Variants in KCNAB2 observed in about 807,000 individuals in gnomAD.
The protein encoded by KCNAB2 is potassium voltage-gated channel subfamily A regulatory beta subunit 2, also known as voltage-gated potassium channel subunit beta-2.
KCNAB2 carries 29 observed loss-of-function variants against 63.6 expected under a neutral mutation model. The ratio of observed to expected loss-of-function variants is 0.46; its 90% confidence interval spans 0.34 to 0.62. The LOEUF (loss-of-function observed/expected upper bound fraction) is 0.62, where lower values mean the gene tolerates loss of function less well. Among genes scored for constraint, KCNAB2 ranks in the 20% least tolerant of loss-of-function variants. The pLI, the probability that KCNAB2 is intolerant of heterozygous loss-of-function variation, is 0.01. For missense variants in KCNAB2, 359 were observed against 563.9 expected (o/e 0.64, Z 3.68); for synonymous variants, 222 against 224.2 (o/e 0.99, Z 0.09).
intron 2 of KCNAB2, among the ~76,000 whole-genome samples, chr1:6,062,268 T>G (rs1282938423): frequency 6.6e-6 from 1 of 150,800 alleles, no homozygotes; most frequent in African/African-American, 2.4e-5. Flanking sequence ...GAGCCAAGAT[T>G]GCACCATTGC....
chr1:6,041,623 C>T (rs968839209), upstream of KCNAB2: 10 of 576,644 alleles, frequency 1.7e-5, no homozygotes, highest in South Asian at 1.0e-4. Context: ...GTCTCTGCCC[C>T]GTGGCCACCG....
At chr1:6,084,050 A>G (rs1664441225) in intron 5 of KCNAB2, among the ~76,000 whole-genome samples, 2 of 152,256 alleles carry the variant, frequency 1.3e-5, no homozygotes, top group Admixed American at 6.5e-5. Context: ...TGTCTTGACC[A>G]TAAATGAGGA....
Position 6,100,124 on chromosome 1 carries a change from C to T in KCNAB2, c.*1550C>T, listed in dbSNP as rs1433634943. On this transcript the variant is annotated 3_prime_UTR_variant, in exon 16 of 16. Transcript: ENST00000378083. ...GAGCCACTATTCCAGAAGGCTCCAC[C>T]CTGCCGTCCTGCGGGAGCCTGCTGT... The T allele has an allele frequency of 7.0e-7, 1 of 1,428,378 alleles. No individual in the cohort carries two copies. Among genetic ancestry groups the T allele is most frequent in the African/African-American group, 1.4e-5 (1 of 69,252 alleles). The allele number at this position is 1,428,378 out of a possible 1,614,324, so 88.5% of individuals were successfully genotyped here.
At chr1:6,092,395 G>A (rs535678783) in intron 10 of KCNAB2, among the ~76,000 whole-genome samples, 1 of 152,374 alleles carries the variant, frequency 6.6e-6, no homozygotes, top group African/African-American at 2.4e-5. Context: ...GCATGGAAGG[G>A]GCGCCGCAGG....
chr1:6,072,919 T>A, intron 3 of KCNAB2, 121 bp downstream of exon 3: 4 of 829,784 alleles, frequency 4.8e-6, no homozygotes, highest in Non-Finnish European at 7.5e-6. Flanking sequence ...CCCCAGGGAG[T>A]AGCTGCACCC....
chr1:6,051,005 A>G (rs1175441172), intron 1 of KCNAB2, among the ~76,000 whole-genome samples: 1 of 152,250 alleles, frequency 6.6e-6, no homozygotes, highest in East Asian at 1.9e-4. Flanking sequence ...CCTCCCTGGC[A>G]TAATTACAGG....
intron 1 of KCNAB2, among the ~76,000 whole-genome samples, chr1:6,047,691 T>C (rs892028645): frequency 3.9e-5 from 6 of 152,154 alleles, no homozygotes; most frequent in Admixed American, 3.3e-4. Flanking sequence ...GAGCCCCTCC[T>C]CTGTGCACGG....
intron 5 of KCNAB2, among the ~76,000 whole-genome samples, chr1:6,084,680 G>C (rs1664525890): frequency 6.6e-6 from 1 of 152,142 alleles, no homozygotes; most frequent in African/African-American, 2.4e-5. Flanking sequence ...GCCGGGCGTG[G>C]TGGCAGGTGC....
chr1:6,096,884 C>CA lies in KCNAB2; in HGVS notation c.1069+129dup. On this transcript the variant is annotated intron_variant, in intron 14 of 15. Coordinates refer to ENST00000378083, the MANE Select transcript of KCNAB2 (RefSeq NM_001199862.2). This position sits in a 1 kb window ranked among gnomAD's most constrained non-coding sequence, Gnocchi z 5.9. Reference sequence around the variant, plus strand: ...AGAGAGGGAAGGGATCCCTGGACATCATCCCCCAGCCAGCCTCGGGTAATC... The same window carrying CA: ...AGAGAGGGAAGGGATCCCTGGACATCAATCCCCCAGCCAGCCTCGGGTAATC... 1 of 1,239,470 alleles carries CA rather than the reference C, an allele frequency of 8.1e-7. No homozygotes were observed. The allele number at this position is 1,239,470 out of a possible 1,614,324, so 76.8% of individuals were successfully genotyped here. A position where few individuals can be genotyped will look rare whatever the true frequency, so the allele number is the denominator to read the frequency against.
intron 2 of KCNAB2, among the ~76,000 whole-genome samples, chr1:6,059,527 G>A (rs1250005062): frequency 6.6e-6 from 1 of 152,178 alleles, no homozygotes; most frequent in Non-Finnish European, 1.5e-5. Flanking sequence ...CCCCTTCCTG[G>A]AGGTTTGGGG....
chr1:6,072,657 T>G, intron 2 of KCNAB2, 98 bp from the exon 3 acceptor site: 44 of 1,258,304 alleles, frequency 3.5e-5, no homozygotes, highest in Non-Finnish European at 4.5e-5. Context: ...ACATTGACTG[T>G]TGGGGGAGTG....
chr1:6,069,894 G>A lies in KCNAB2; in HGVS notation c.219-2861G>A, dbSNP rs72630676. On this transcript the variant is annotated intron_variant, in intron 2 of 15. Coordinates refer to ENST00000378083, the MANE Select transcript of KCNAB2 (RefSeq NM_001199862.2). This position sits in a 1 kb window ranked among gnomAD's most constrained non-coding sequence, Gnocchi z 5.4. ...CCTGTGGGTGGTGGGTGGAAGAGCG[G>A]CTGAACCCAGAGCCCACTCGGGGAA... Among the ~76,000 whole-genome samples, 4,708 of 152,104 alleles carry A rather than the reference G, an allele frequency of 0.031. 96 individuals are homozygous for A. Among genetic ancestry groups the A allele is most frequent in the Non-Finnish European group, 0.046 (3,136 of 67,968 alleles).
intron 10 of KCNAB2, among the ~76,000 whole-genome samples, chr1:6,093,012 G>A (rs893620124): frequency 2.0e-5 from 3 of 152,230 alleles, no homozygotes; most frequent in Non-Finnish European, 4.4e-5. Flanking sequence ...CACTCAGGGA[G>A]CGACCCCCAA....
rs776499177 is a variant in KCNAB2 at position 6,096,675 on chromosome 1, G to A, written c.988G>A (p.Gly330Ser). The change falls in exon 14 of 16, where the codon GGC (glycine) becomes AGC (serine). Residue 330 changes from glycine (G) to serine (S), a missense_variant. Physicochemically the swap from Gly to Ser is moderately conservative, Grantham distance 56. Coordinates refer to ENST00000378083, the MANE Select transcript of KCNAB2 (RefSeq NM_001199862.2). This position sits in a 1 kb window ranked among gnomAD's most constrained non-coding sequence, Gnocchi z 5.9. ...GAAGGACAAGATCCTCAGTGAGGAG[G>A]GCCGGCGCCAGCAAGCCAAGCTGAA... ...WLKDKILSEE[G>S]RRQQAKLKEL... 1 of 1,609,220 alleles carries A rather than the reference G, an allele frequency of 6.2e-7. No homozygotes were observed. Among genetic ancestry groups the A allele is most frequent in the Non-Finnish European group, 8.5e-7 (1 of 1,178,812 alleles).
upstream of KCNAB2, among the ~76,000 whole-genome samples, chr1:6,033,747 C>T (rs1057005150): frequency 4.6e-5 from 7 of 152,184 alleles, no homozygotes; most frequent in Non-Finnish European, 4.4e-5. Context: ...CAGCCAACCA[C>T]GTAAAGGGAA....
At chr1:6,082,747 G>A (rs868367404) in intron 5 of KCNAB2, among the ~76,000 whole-genome samples, 14 of 152,338 alleles carry the variant, frequency 9.2e-5, no homozygotes, top group African/African-American at 2.6e-4. Context: ...CAGCCAGGCT[G>A]TTGGCTTCAA....
At position 6,071,883 on chromosome 1, in the gene KCNAB2, G is replaced by A. The variant is rs1256320481; in HGVS notation, c.219-872G>A. ...TCCTGCCGCGTGGGCTCCTCCTGCC[G>A]CGTAGGGCTCCTCCTGCCGCGTAGG... On this transcript the variant is annotated intron_variant, in intron 2 of 15. Transcript: ENST00000378083. The surrounding 1 kb of genome is among the most constrained non-coding windows in gnomAD (Gnocchi z 8.5). 3.3e-5 allele frequency among the ~76,000 whole-genome samples: 5 copies of A among 150,630 alleles called. No homozygotes were observed. The highest frequency in any genetic ancestry group is 2.1e-4 in the South Asian group (1 of 4,830).
upstream of KCNAB2, among the ~76,000 whole-genome samples, chr1:6,033,290 T>C (rs1428221390): frequency 7.6e-6 from 1 of 131,590 alleles, no homozygotes; most frequent in Non-Finnish European, 1.7e-5. Context: ...TGTGTGGGCA[T>C]GTGGGTGTGC....
In KCNAB2 at chr1:6,087,487, C is replaced by T. The variant is rs1362036405; in HGVS notation, c.446C>T (p.Thr149Ile). 6.2e-7 allele frequency: 1 copy of T among 1,614,224 alleles called. No individual in the cohort carries two copies. Residue 149 changes from threonine (T) to isoleucine (I), a missense_variant, in exon 7 of 16, where the codon ACC becomes ATC. By Grantham distance (89) the Thr-to-Ile change is moderately conservative. Transcript: ENST00000378083. This position sits in a 1 kb window ranked among gnomAD's most constrained non-coding sequence, Gnocchi z 6.4. ...KGWRRSSLVI[T>I]TKIFWGGKAE... ...CACAGGCGGTCCAGCCTCGTCATCA[C>T]CACCAAGATCTTCTGGGGCGGAAAG...
Sources: gnomAD v4.1 joint callset for allele counts (sites outside exome capture counted in the v4.1 genomes callset) on GRCh38, gnomAD v4.1.1 for gene constraint, Gnocchi (gnomAD v3.1) non-coding constraint, MANE v1.5 for transcripts, NCBI Gene and HGNC (gene_info 2026-07-23, HGNC 2026-07-21) for gene names.